TNFSF4: variants seen among roughly 807,000 people sequenced by gnomAD.
TNFSF4 encodes tumor necrosis factor ligand superfamily member 4.
TNFSF4 carries 4 observed loss-of-function variants against 7.3 expected under a neutral mutation model. The observed-to-expected ratio is 0.55, with a 90% CI of 0.27 to 1.25. The LOEUF is 1.25. Among genes scored for constraint, TNFSF4 ranks in the 50% most tolerant of loss-of-function variants. TNFSF4 has a pLI of 0.12. For synonymous variants in TNFSF4, 76 were observed against 83.7 expected (o/e 0.91, Z 0.50); for missense variants, 181 against 208.8 (o/e 0.87, Z 0.82).
the TNFSF4 span, among the ~76,000 whole-genome samples, chr1:173,359,510 TAAAAAAAAAAAA>T: frequency 5.7e-5 from 7 of 122,742 alleles, no homozygotes; most frequent in Admixed American, 2.5e-4. Context: ...TTACCAGCTG[TAAAAAAAAAAAA>T]AAAAAAAAAA....
chr1:173,447,652 G>A, the TNFSF4 span, among the ~76,000 whole-genome samples: 1,460 of 151,792 alleles, frequency 9.6e-3, 23 homozygotes, highest in African/African-American at 0.034. Flanking sequence ...TGATGGGTTC[G>A]ACAGCAAAAT....
chr1:173,316,162 A>G, the TNFSF4 span, among the ~76,000 whole-genome samples: 1 of 152,108 alleles, frequency 6.6e-6, no homozygotes, highest in Admixed American at 6.6e-5. Context: ...TGCTTATTCA[A>G]AAGACTACCC....
the TNFSF4 span, among the ~76,000 whole-genome samples, chr1:173,377,902 C>T: frequency 1.3e-5 from 2 of 152,292 alleles, no homozygotes; most frequent in African/African-American, 2.4e-5. Flanking sequence ...CCTCAGGGTA[C>T]GGCCCTCCAC....
At chr1:173,221,373 G>T in the TNFSF4 span, among the ~76,000 whole-genome samples, 13 of 152,152 alleles carry the variant, frequency 8.5e-5, no homozygotes, top group African/African-American at 2.9e-4. Context: ...AAAGCAGAGA[G>T]ATGAGTTAAA....
the TNFSF4 span, among the ~76,000 whole-genome samples, chr1:173,380,463 A>T: frequency 0.018 from 2,775 of 152,264 alleles, 35 homozygotes; most frequent in Non-Finnish European, 0.028. Context: ...AGCTGATCAT[A>T]GTAACTTCTG....
chr1:173,231,771 G>A, the TNFSF4 span, among the ~76,000 whole-genome samples: 8 of 152,024 alleles, frequency 5.3e-5, no homozygotes, highest in Admixed American at 4.6e-4. Flanking sequence ...AAAGTCTCAG[G>A]ACACAATATC....
the TNFSF4 span, among the ~76,000 whole-genome samples, chr1:173,377,410 C>A: frequency 2.0e-5 from 3 of 152,136 alleles, no homozygotes; most frequent in African/African-American, 7.2e-5. Context: ...TGCGCTGAGC[C>A]AAGGGTCGAC....
chr1:173,258,658 TA>T, the TNFSF4 span, among the ~76,000 whole-genome samples: 1 of 152,154 alleles, frequency 6.6e-6, no homozygotes, highest in Admixed American at 6.5e-5. Flanking sequence ...CAGTCTGTCC[TA>T]CCAGGGCCAG....
chr1:173,345,552 C>T, the TNFSF4 span, among the ~76,000 whole-genome samples: 7 of 152,104 alleles, frequency 4.6e-5, no homozygotes, highest in South Asian at 8.3e-4. Context: ...TCTGGCTAAA[C>T]TGATTTGATA....
chr1:173,418,106 T>G, the TNFSF4 span: 3 of 152,252 alleles, frequency 2.0e-5, no homozygotes, highest in Admixed American at 1.3e-4. Context: ...CAAAGGTTTG[T>G]GTCCATTGAT....
At chr1:173,230,662 C>T in the TNFSF4 span, among the ~76,000 whole-genome samples, 2 of 151,848 alleles carry the variant, frequency 1.3e-5, no homozygotes, top group East Asian at 1.9e-4. Context: ...AAAAGATCAA[C>T]AAAATTGACA....
chr1:173,201,280 A>G (rs1649930130), intron 1 of TNFSF4, among the ~76,000 whole-genome samples: 1 of 152,188 alleles, frequency 6.6e-6, no homozygotes, highest in African/African-American at 2.4e-5. Context: ...TGAAATCTTA[A>G]TTAGAAATCT....
the TNFSF4 span, among the ~76,000 whole-genome samples, chr1:173,177,455 G>A: frequency 2.2e-3 from 334 of 152,250 alleles, no homozygotes; most frequent in African/African-American, 7.6e-3. Context: ...GGTAGAGTGT[G>A]CGAGGAGGCT....
the TNFSF4 span, among the ~76,000 whole-genome samples, chr1:173,373,570 T>C: frequency 2.6e-5 from 4 of 152,210 alleles, no homozygotes; most frequent in African/African-American, 9.6e-5. Flanking sequence ...ACTCATCAAA[T>C]GGCCAAATCC....
chr1:173,247,986 T>G, the TNFSF4 span, among the ~76,000 whole-genome samples: 1 of 152,144 alleles, frequency 6.6e-6, no homozygotes, highest in Admixed American at 6.5e-5. Flanking sequence ...GAATAGAAAG[T>G]GTCCAGGAGA....
intron 1 of TNFSF4, among the ~76,000 whole-genome samples, chr1:173,200,309 G>A (rs188829243): frequency 2.6e-4 from 40 of 152,266 alleles, no homozygotes; most frequent in Non-Finnish European, 1.3e-4. Flanking sequence ...GTGTAAAACT[G>A]CACACCATCT....
the TNFSF4 span, among the ~76,000 whole-genome samples, chr1:173,372,841 C>T: frequency 2.0e-5 from 3 of 152,180 alleles, no homozygotes; most frequent in African/African-American, 7.2e-5. Flanking sequence ...CAAATTGTAG[C>T]CCAGACTTAT....
At chr1:173,334,712 G>C in the TNFSF4 span, among the ~76,000 whole-genome samples, 3 of 152,218 alleles carry the variant, frequency 2.0e-5, no homozygotes, top group Middle Eastern at 3.4e-3. Context: ...CTTCTTTGCC[G>C]GTGGAAGAGG....
At chr1:173,323,459 T>G in the TNFSF4 span, among the ~76,000 whole-genome samples, 1 of 152,136 alleles carries the variant, frequency 6.6e-6, no homozygotes, top group East Asian at 1.9e-4. Flanking sequence ...AGAGTGCCTC[T>G]CCTCCTCCAA....
Sources: allele counts gnomAD v4.1 joint callset (sites outside exome capture counted in the v4.1 genomes callset), GRCh38; gene constraint gnomAD v4.1.1; transcripts MANE v1.5; gene names NCBI Gene and HGNC (gene_info 2026-07-23, HGNC 2026-07-21).